The following CGGBP1 variants were observed in gnomAD, a reference collection of about 807,000 sequenced individuals.
The protein encoded by CGGBP1 is CGG triplet repeat binding protein 1, also known as CGG triplet repeat-binding protein 1.
Under a neutral mutation model 11.4 loss-of-function variants are expected in CGGBP1, and 4 were observed. The ratio of observed to expected loss-of-function variants is 0.35; its 90% CI spans 0.17 to 0.80. The LOEUF (loss-of-function observed/expected upper bound fraction) is 0.80. Among genes scored for constraint, CGGBP1 ranks in the 30% least tolerant of loss-of-function variants. The pLI is 0.52. For synonymous variants in CGGBP1, 76 were observed against 74.1 expected, an observed-to-expected ratio of 1.03 and a Z score of -0.13; for missense variants, 135 against 202.1, an observed-to-expected ratio of 0.67 and a Z score of 2.01.
At chr3:88,069,279 G>A (rs1336070894) in intron 2 of CGGBP1, among the ~76,000 whole-genome samples, 3 of 152,036 alleles carry the variant, frequency 2.0e-5, no homozygotes, top group Non-Finnish European at 4.4e-5. Context: ...AAAATTAGTC[G>A]GGCATGGTGG....
At chr3:88,080,038 T>C (rs545882547) in intron 2 of CGGBP1, among the ~76,000 whole-genome samples, 44 of 152,178 alleles carry the variant, frequency 2.9e-4, no homozygotes, top group East Asian at 7.7e-4. Flanking sequence ...TCTTTTTTTT[T>C]CCAAACAATT....
intron 2 of CGGBP1, among the ~76,000 whole-genome samples, chr3:88,077,421 C>T (rs867227676): frequency 3.3e-5 from 5 of 151,700 alleles, no homozygotes; most frequent in African/African-American, 9.7e-5. Flanking sequence ...GCAAGCTCCG[C>T]CGCCGGGTTC....
At chr3:88,139,879 T>C (rs1349867700) in intron 2 of CGGBP1, 8 of 1,610,652 alleles carry the variant, frequency 5.0e-6, no homozygotes, top group Non-Finnish European at 5.1e-6. Flanking sequence ...CCAAAAGACA[T>C]ATATGCCACA....
intron 2 of CGGBP1, among the ~76,000 whole-genome samples, chr3:88,123,612 T>G (rs556320507): frequency 1.3e-5 from 2 of 152,296 alleles, no homozygotes; most frequent in South Asian, 4.1e-4. Context: ...TAAAAAGAGC[T>G]CTAAGTGTTT....
Position 88,069,687 on chromosome 3 carries a change from C to T in CGGBP1, c.-228-11464G>A, listed in dbSNP as rs1438619011. Among the ~76,000 whole-genome samples the T allele has an allele frequency of 2.6e-5, 4 of 152,160 alleles. No individual in the cohort carries two copies. The East Asian group carries it at 7.7e-4, about 29-fold the overall frequency. On this transcript the variant is annotated intron_variant, in intron 2 of 3. Coordinates refer to the CGGBP1 transcript ENST00000462901. ...TCAGTTATTTTTGTATTCACCACTG[C>T]TTTGGAAAGTTGACATTATAGAGTG... is the stretch of plus-strand genomic sequence containing the variant.
intron 2 of CGGBP1, among the ~76,000 whole-genome samples, chr3:88,097,141 C>A (rs979379649): frequency 6.6e-6 from 1 of 152,038 alleles, no homozygotes; most frequent in Admixed American, 6.6e-5. Context: ...CCATGTATGA[C>A]CGGAATATGT....
In CGGBP1 at chr3:88,120,380, A is replaced by G. The variant is rs73844881; in HGVS notation, c.-229+20590T>C. On this transcript the variant is annotated intron_variant, in intron 2 of 3. Coordinates refer to the CGGBP1 transcript ENST00000462901. The stretch of plus-strand genomic sequence containing the variant: ...TTTATACTGCTATCTTGAGAGCTTT[A>G]TTGTCTAAGCTTTTAAAACCTTCTA... Among the ~76,000 whole-genome samples the G allele has an allele frequency of 3.0e-3, 464 of 152,294 alleles. 3 individuals are homozygous for G. Among genetic ancestry groups the G allele is most frequent in the African/African-American group, 0.011 (445 of 41,570 alleles).
chr3:88,068,125 T>G (rs1278086466), intron 2 of CGGBP1, among the ~76,000 whole-genome samples: 1 of 151,938 alleles, frequency 6.6e-6, no homozygotes, highest in Non-Finnish European at 1.5e-5. Flanking sequence ...GGTAGCTGAT[T>G]AGAGAGGTAT....
At chr3:88,085,126 G>A (rs1708273415) in intron 2 of CGGBP1, among the ~76,000 whole-genome samples, 1 of 152,234 alleles carries the variant, frequency 6.6e-6, no homozygotes, top group Non-Finnish European at 1.5e-5. Context: ...TTGTCTCCCA[G>A]TAGGAAGTGA....
At chr3:88,128,445 TA>T (rs1706249702) in intron 2 of CGGBP1, among the ~76,000 whole-genome samples, 2 of 152,192 alleles carry the variant, frequency 1.3e-5, no homozygotes, top group South Asian at 4.1e-4. Flanking sequence ...TATTGAGCAG[TA>T]AGAAGATAAA....
intron 2 of CGGBP1, among the ~76,000 whole-genome samples, chr3:88,109,028 G>A (rs1376746892): frequency 1.3e-5 from 2 of 152,008 alleles, no homozygotes; most frequent in African/African-American, 2.4e-5. Flanking sequence ...TGGGAGACAT[G>A]AACAGAAACA....
chr3:88,060,302 CTCAG>C (rs1706793626), upstream of CGGBP1, among the ~76,000 whole-genome samples: 2 of 152,134 alleles, frequency 1.3e-5, no homozygotes, highest in South Asian at 2.1e-4. Flanking sequence ...AAATTATTTA[CTCAG>C]TCGACCGTCA....
chr3:88,135,459 T>A (rs1294106804), intron 2 of CGGBP1: 1 of 251,012 alleles, frequency 4.0e-6, no homozygotes, highest in Non-Finnish European at 7.5e-6. Flanking sequence ...AAATATTTGT[T>A]ACTTTCAATA....
At chr3:88,118,815 C>CA (rs1173079254) in intron 2 of CGGBP1, among the ~76,000 whole-genome samples, 1 of 152,094 alleles carries the variant, frequency 6.6e-6, no homozygotes, top group African/African-American at 2.4e-5. Flanking sequence ...GACTGTGTGA[C>CA]AAATCAAAAC....
intron 2 of CGGBP1, among the ~76,000 whole-genome samples, chr3:88,132,206 TA>T (rs1176111322): frequency 2.6e-5 from 4 of 152,102 alleles, no homozygotes; most frequent in African/African-American, 9.7e-5. Context: ...TCTGCTATAT[TA>T]AAATTACTTA....
upstream of CGGBP1, among the ~76,000 whole-genome samples, chr3:88,059,902 C>G (rs1278662861): frequency 6.6e-6 from 1 of 152,048 alleles, no homozygotes. Flanking sequence ...TCTGCCTTCC[C>G]CTCTCCGCCG....
intron 2 of CGGBP1, among the ~76,000 whole-genome samples, chr3:88,101,465 G>T (rs1228084168): frequency 6.6e-6 from 1 of 152,068 alleles, no homozygotes; most frequent in African/African-American, 2.4e-5. Flanking sequence ...TCTTTTAAAT[G>T]ACTATTTTTC....
chr3:88,145,524 A>G (rs1285635169), intron 1 of CGGBP1, among the ~76,000 whole-genome samples: 1 of 152,142 alleles, frequency 6.6e-6, no homozygotes, highest in Non-Finnish European at 1.5e-5. Context: ...TGGGGTTTAG[A>G]TAACTTTTCA....
chr3:88,127,023 A>T (rs1706149552), intron 2 of CGGBP1, among the ~76,000 whole-genome samples: 1 of 152,102 alleles, frequency 6.6e-6, no homozygotes, highest in Non-Finnish European at 1.5e-5. Context: ...AATGTTCCCC[A>T]TATCATTCCT....
Sources: allele counts gnomAD v4.1 joint callset (sites outside exome capture counted in the v4.1 genomes callset), GRCh38; gene constraint gnomAD v4.1.1; transcripts MANE v1.5; gene names NCBI Gene and HGNC (gene_info 2026-07-23, HGNC 2026-07-21).